ATRNL1: variants seen among roughly 807,000 people sequenced by gnomAD.
ATRNL1 encodes the protein attractin-like protein 1.
Under a neutral mutation model 182.7 loss-of-function variants are expected in ATRNL1, and 95 were observed. That is an observed-to-expected ratio of 0.52 (90% CI 0.44 to 0.62). The LOEUF is 0.62. Ranked by LOEUF, ATRNL1 falls within the 20% of genes least tolerant of loss-of-function variation. The pLI, the probability that ATRNL1 is intolerant of heterozygous loss-of-function variation, is 0.00. For missense variants in ATRNL1, 1,471 were observed against 1,679.5 expected (o/e 0.88, Z 2.17); for synonymous variants, 576 against 568.3 (o/e 1.01, Z -0.19).
At chr10:115,242,725 A>T (rs1428683123) in intron 10 of ATRNL1, among the ~76,000 whole-genome samples, 1 of 152,084 alleles carries the variant, frequency 6.6e-6, no homozygotes, top group Non-Finnish European at 1.5e-5. Context: ...TTACTATTAC[A>T]GTTGTTTCAA....
intron 21 of ATRNL1, among the ~76,000 whole-genome samples, chr10:115,439,762 G>T (rs1340220034): frequency 6.6e-6 from 1 of 151,926 alleles, no homozygotes; most frequent in African/African-American, 2.4e-5. Context: ...TTTGACTACA[G>T]TAGTAGGAGA....
At position 115,467,139 on chromosome 10, in the gene ATRNL1, T is replaced by C. The variant is rs782509095; in HGVS notation, c.3418-35T>C. Reference sequence around the variant, plus strand: ...AAATCATATATATCTAGTGTAATTTTCGTTTTTTAACCTTAATATTTTCTT... The same window carrying C: ...AAATCATATATATCTAGTGTAATTTCCGTTTTTTAACCTTAATATTTTCTT... On this transcript the variant is annotated intron_variant, in intron 22 of 28. Coordinates refer to ENST00000355044, the MANE Select transcript of ATRNL1 (RefSeq NM_207303.4). The C allele has an allele frequency of 4.0e-6, 5 of 1,251,122 alleles. No individual in the cohort carries two copies. The East Asian group carries it at 1.2e-4, about 30-fold the overall frequency. 77.5% of individuals were successfully genotyped at this position (1,251,122 alleles called of 1,614,324 possible).
intron 27 of ATRNL1, among the ~76,000 whole-genome samples, chr10:115,821,915 C>G (rs921259437): frequency 6.6e-6 from 1 of 152,170 alleles, no homozygotes; most frequent in Non-Finnish European, 1.5e-5. Flanking sequence ...GAACTCAGCT[C>G]TGGACCAAGC....
rs1264929538 is a variant in ATRNL1, at chr10:115,270,363, A to ATATAAATCTTTTATATATAATG, written c.2100+1928_2100+1929insTTTATATATAATGTATAAATCT. Among the ~76,000 whole-genome samples, 221 of 144,004 alleles carry ATATAAATCTTTTATATATAATG rather than the reference A, an allele frequency of 1.5e-3. 2 individuals are homozygous for ATATAAATCTTTTATATATAATG. Among genetic ancestry groups the ATATAAATCTTTTATATATAATG allele is most frequent in the African/African-American group, 5.2e-3 (200 of 38,792 alleles). 94.5% of individuals were successfully genotyped at this position (144,004 alleles called of 152,430 possible). A position where few individuals can be genotyped will look rare whatever the true frequency, so the allele number is the denominator to read the frequency against. The stretch of plus-strand genomic sequence containing the variant: ...ATTATATACAGATATATAAACAAAT[A>ATATAAATCTTTTATATATAATG]TATAAATCTATTATATAATATATAA... On this transcript the variant is annotated intron_variant, in intron 13 of 28. Transcript: ENST00000355044.
intron 24 of ATRNL1, among the ~76,000 whole-genome samples, chr10:115,494,693 C>T (rs185578099): frequency 6.6e-6 from 1 of 152,266 alleles, no homozygotes; most frequent in Non-Finnish European, 1.5e-5. Context: ...ATAAAGCCTA[C>T]TTAATTGTGG....
At chr10:115,115,130 A>G (rs1475130544) in intron 1 of ATRNL1, among the ~76,000 whole-genome samples, 2 of 152,194 alleles carry the variant, frequency 1.3e-5, no homozygotes, top group African/African-American at 2.4e-5. Context: ...AGCTAGGCTT[A>G]GAAAGACAAA....
intron 26 of ATRNL1, among the ~76,000 whole-genome samples, chr10:115,662,170 G>T (rs1417423207): frequency 6.6e-6 from 1 of 151,830 alleles, no homozygotes; most frequent in Non-Finnish European, 1.5e-5. Context: ...TCTTAATCCA[G>T]TCTATCATTG....
chr10:115,431,009 G>C (rs527304992), intron 21 of ATRNL1, among the ~76,000 whole-genome samples: 22 of 152,060 alleles, frequency 1.4e-4, no homozygotes, highest in Admixed American at 2.6e-4. Flanking sequence ...AGATGGTTTG[G>C]TTTTCTTTGT....
chr10:115,760,876 A>G (rs1386756986), intron 27 of ATRNL1, among the ~76,000 whole-genome samples: 1 of 152,234 alleles, frequency 6.6e-6, no homozygotes, highest in Non-Finnish European at 1.5e-5. Flanking sequence ...AGGCTGGTCA[A>G]TAGCTGCACT....
intron 27 of ATRNL1, among the ~76,000 whole-genome samples, chr10:115,791,230 C>T (rs533127222): frequency 3.9e-5 from 6 of 152,218 alleles, no homozygotes; most frequent in African/African-American, 1.4e-4. Flanking sequence ...TGTGCTTCCC[C>T]CTTCCTCATG....
At chr10:115,378,804 T>C (rs1857819414) in intron 19 of ATRNL1, among the ~76,000 whole-genome samples, 1 of 152,224 alleles carries the variant, frequency 6.6e-6, no homozygotes, top group South Asian at 2.1e-4. Context: ...TGAAATCTAA[T>C]CTATAACATA....
At chr10:115,777,066 A>T (rs576286527) in intron 27 of ATRNL1, among the ~76,000 whole-genome samples, 1 of 152,346 alleles carries the variant, frequency 6.6e-6, no homozygotes, top group South Asian at 2.1e-4. Flanking sequence ...AGGTGGATTA[A>T]TAAAGGAACA....
intron 16 of ATRNL1, among the ~76,000 whole-genome samples, chr10:115,300,666 TTAAG>T (rs1217949440): frequency 6.6e-6 from 1 of 152,184 alleles, no homozygotes; most frequent in Non-Finnish European, 1.5e-5. Flanking sequence ...TGGATTTTTG[TTAAG>T]TAAGAAAGGA....
At chr10:115,672,927 C>G (rs1945745159) in intron 26 of ATRNL1, among the ~76,000 whole-genome samples, 1 of 152,110 alleles carries the variant, frequency 6.6e-6, no homozygotes, top group Non-Finnish European at 1.5e-5. Flanking sequence ...TCCACCCTCA[C>G]CACACCTTGT....
chr10:115,244,205 G>C (rs1850534839), intron 10 of ATRNL1, among the ~76,000 whole-genome samples: 1 of 151,964 alleles, frequency 6.6e-6, no homozygotes, highest in African/African-American at 2.4e-5. Flanking sequence ...TGATTGTTTT[G>C]TGTTATATGA....
intron 27 of ATRNL1, among the ~76,000 whole-genome samples, chr10:115,736,692 C>T (rs1427155704): frequency 6.6e-6 from 1 of 152,148 alleles, no homozygotes; most frequent in Non-Finnish European, 1.5e-5. Context: ...AACCAAGGGC[C>T]TCTCTTTATT....
intron 21 of ATRNL1, among the ~76,000 whole-genome samples, chr10:115,433,559 A>G (rs1469275252): frequency 1.3e-5 from 2 of 152,138 alleles, no homozygotes; most frequent in Non-Finnish European, 2.9e-5. Flanking sequence ...GACATAAATG[A>G]GTCACATTTT....
chr10:115,798,804 CTTT>C (rs544708882), intron 27 of ATRNL1, among the ~76,000 whole-genome samples: 2 of 145,470 alleles, frequency 1.4e-5, no homozygotes, highest in South Asian at 2.2e-4. Flanking sequence ...AATGAGGTTG[CTTT>C]TTTTTTCTTT....
chr10:115,227,772 T>C (rs116982528), intron 9 of ATRNL1, among the ~76,000 whole-genome samples: 1 of 152,220 alleles, frequency 6.6e-6, no homozygotes, highest in East Asian at 1.9e-4. Flanking sequence ...TGCAGCAACA[T>C]GGATGCAGTT....
Sources: allele counts gnomAD v4.1 joint callset (sites outside exome capture counted in the v4.1 genomes callset), GRCh38; gene constraint gnomAD v4.1.1; transcripts MANE v1.5; gene names NCBI Gene and HGNC (gene_info 2026-07-23, HGNC 2026-07-21).